The following CYP2C19 variants were observed in gnomAD, a reference collection of about 807,000 sequenced individuals.
The protein encoded by CYP2C19 is cytochrome P450 family 2 subfamily C member 19.
CYP2C19 carries 59 observed loss-of-function variants against 40.9 expected under a neutral mutation model. The observed-to-expected ratio is 1.44, with a 90% CI of 1.17 to 1.79. The LOEUF (loss-of-function observed/expected upper bound fraction) is 1.79, where lower values mean the gene tolerates loss of function less well. CYP2C19 is among the 40% of genes most tolerant of loss of function. The pLI, the probability that CYP2C19 is intolerant of heterozygous loss-of-function variation, is 0.00. For missense variants in CYP2C19, 754 were observed against 596.9 expected (o/e 1.26, Z -2.74); for synonymous variants, 253 against 208.7 (o/e 1.21, Z -1.83).
intron 7 of CYP2C19, among the ~76,000 whole-genome samples, chr10:94,849,220 G>A (rs187273333): frequency 1.3e-5 from 2 of 152,228 alleles, no homozygotes; most frequent in South Asian, 2.1e-4. Flanking sequence ...CAGCAGGAGT[G>A]GACAGGCACT....
intron 5 of CYP2C19, among the ~76,000 whole-genome samples, chr10:94,813,024 T>C (rs1004102172): frequency 6.6e-5 from 10 of 152,000 alleles, no homozygotes; most frequent in South Asian, 6.2e-4. Context: ...TTGTCTTTGA[T>C]GTTGGTGACC....
intron 7 of CYP2C19, among the ~76,000 whole-genome samples, chr10:94,847,616 C>T (rs563097433): frequency 4.5e-4 from 68 of 152,164 alleles, no homozygotes; most frequent in Admixed American, 3.0e-3. Context: ...CTGGGTCAAG[C>T]GGTATTTCTA....
chr10:94,847,562 G>A (rs541437520), intron 7 of CYP2C19, among the ~76,000 whole-genome samples: 1 of 152,160 alleles, frequency 6.6e-6, no homozygotes, highest in East Asian at 1.9e-4. Flanking sequence ...CTTTATAGTA[G>A]CATGATTTAT....
chr10:94,830,545 G>T (rs946627842), intron 6 of CYP2C19, among the ~76,000 whole-genome samples: 2 of 152,054 alleles, frequency 1.3e-5, no homozygotes, highest in African/African-American at 4.8e-5. Flanking sequence ...ACTGACCTGC[G>T]CCCACTGTCT....
chr10:94,853,917 C>A lies in CYP2C19; in HGVS notation c.*1003C>A, dbSNP rs1849694261. ...AGGTTACTTTTATTACTTCATGTTT[C>A]CAACTTAGAATGAAGTAATGAAGTA... On this transcript the variant is annotated 3_prime_UTR_variant, in exon 9 of 9. Transcript: ENST00000371321. Among the ~76,000 whole-genome samples the A allele has an allele frequency of 1.3e-5, 2 of 152,100 alleles. No individual in the cohort carries two copies. Among genetic ancestry groups the A allele is most frequent in the Non-Finnish European group, 2.9e-5 (2 of 68,026 alleles).
At chr10:94,850,780 T>C (rs567863966) in intron 8 of CYP2C19, among the ~76,000 whole-genome samples, 10 of 152,252 alleles carry the variant, frequency 6.6e-5, no homozygotes, top group African/African-American at 2.2e-4. Context: ...AAATAAAGGA[T>C]ATTAAAACCT....
Position 94,842,891 on chromosome 10 carries a change from T to C in CYP2C19, c.1016T>C (p.Met339Thr). The change falls in exon 7 of 9, where the codon ATG (methionine) becomes ACG (threonine). Residue 339 changes from methionine to threonine, a missense_variant. By Grantham distance (81) the Met-to-Thr change is moderately conservative. Transcript: ENST00000371321. ...RVIGRNRSPC[M>T]QDRGHMPYTD... Reference sequence around the variant, plus strand: ...ATTGGCAGAAACCGGAGCCCCTGCATGCAGGACAGGGGCCACATGCCCTAC... The same window carrying C: ...ATTGGCAGAAACCGGAGCCCCTGCACGCAGGACAGGGGCCACATGCCCTAC... The C allele has an allele frequency of 6.2e-7, 1 of 1,614,204 alleles. No homozygotes were observed. Among genetic ancestry groups the C allele is most frequent in the Non-Finnish European group, 8.5e-7 (1 of 1,180,024 alleles).
At chr10:94,797,622 C>G (rs372899426) in intron 5 of CYP2C19, among the ~76,000 whole-genome samples, 101 of 151,196 alleles carry the variant, frequency 6.7e-4, no homozygotes, top group African/African-American at 2.4e-3. Flanking sequence ...TGGTCCTGAA[C>G]TTTTTTTTTG....
rs188489374 is a variant in CYP2C19, at chr10:94,812,200, G to A, written c.820-8296G>A. On this transcript the variant is annotated intron_variant, in intron 5 of 8. Transcript: ENST00000371321. ...TTTTCTTTAAGAATGTTGAATATTG[G>A]CCCCCACTCTCCTCTGGCTTGTCGA... Among the ~76,000 whole-genome samples the A allele has an allele frequency of 3.1e-3, 472 of 152,190 alleles. 3 individuals carry two copies. Among genetic ancestry groups the A allele is most frequent in the African/African-American group, 0.011 (449 of 41,538 alleles).
intron 5 of CYP2C19, among the ~76,000 whole-genome samples, chr10:94,785,918 G>T (rs1848534034): frequency 6.6e-6 from 1 of 152,054 alleles, no homozygotes; most frequent in Admixed American, 6.6e-5. Flanking sequence ...ACATTAGAGT[G>T]GGTTGGCCAG....
At chr10:94,816,486 T>C (rs573662454) in intron 5 of CYP2C19, among the ~76,000 whole-genome samples, 9 of 152,252 alleles carry the variant, frequency 5.9e-5, no homozygotes, top group African/African-American at 2.2e-4. Flanking sequence ...TATAACTCCA[T>C]GCTGTTTTAA....
intron 6 of CYP2C19, among the ~76,000 whole-genome samples, chr10:94,823,249 C>T (rs994561546): frequency 2.1e-4 from 32 of 152,232 alleles, no homozygotes; most frequent in African/African-American, 6.5e-4. Context: ...AGGTTTCCTA[C>T]ACAACTCTTT....
intron 5 of CYP2C19, among the ~76,000 whole-genome samples, chr10:94,809,393 C>T (rs534923281): frequency 6.6e-6 from 1 of 152,234 alleles, no homozygotes; most frequent in Non-Finnish European, 1.5e-5. Context: ...GTTATCTTTT[C>T]ACTTTATTGA....
At chr10:94,825,871 C>T (rs1378988935) in intron 6 of CYP2C19, among the ~76,000 whole-genome samples, 1 of 151,270 alleles carries the variant, frequency 6.6e-6, no homozygotes, top group Admixed American at 6.6e-5. Context: ...CAGCTTTCTA[C>T]ATATGGCTAG....
chr10:94,806,769 G>A (rs965101154), intron 5 of CYP2C19, among the ~76,000 whole-genome samples: 1 of 149,708 alleles, frequency 6.7e-6, no homozygotes, highest in Non-Finnish European at 1.5e-5. Flanking sequence ...TTATTTTAGT[G>A]GGCACAATAA....
At chr10:94,840,000 G>T (rs901321601) in intron 6 of CYP2C19, among the ~76,000 whole-genome samples, 5 of 149,464 alleles carry the variant, frequency 3.3e-5, no homozygotes, top group African/African-American at 2.5e-5. Context: ...ATTTTTTTTT[G>T]ACTAAGAATA....
chr10:94,791,924 T>C (rs1848610366), intron 5 of CYP2C19, among the ~76,000 whole-genome samples: 1 of 152,134 alleles, frequency 6.6e-6, no homozygotes, highest in African/African-American at 2.4e-5. Flanking sequence ...ATATCCTTAT[T>C]AACTTTCTGT....
intron 7 of CYP2C19, among the ~76,000 whole-genome samples, chr10:94,844,899 A>C (rs1849549305): frequency 6.6e-6 from 1 of 152,240 alleles, no homozygotes; most frequent in African/African-American, 2.4e-5. Flanking sequence ...AATCCACTGC[A>C]TCAGCTTTGG....
intron 6 of CYP2C19, among the ~76,000 whole-genome samples, chr10:94,840,010 A>T (rs373401709): frequency 6.6e-6 from 1 of 152,096 alleles, no homozygotes; most frequent in African/African-American, 2.4e-5. Context: ...GACTAAGAAT[A>T]ACTCTGAACT....
Sources: gnomAD v4.1 joint callset for allele counts (sites outside exome capture counted in the v4.1 genomes callset) on GRCh38, gnomAD v4.1.1 for gene constraint, MANE v1.5 for transcripts, NCBI Gene and HGNC (gene_info 2026-07-23, HGNC 2026-07-21) for gene names.